ERAP1: variants seen among roughly 807,000 people sequenced by gnomAD.
The protein encoded by ERAP1 is endoplasmic reticulum aminopeptidase 1.
Under a neutral mutation model 103.7 loss-of-function variants are expected in ERAP1, and 86 were observed. The ratio of observed to expected loss-of-function variants is 0.83; its 90% CI spans 0.70 to 0.99. The LOEUF (loss-of-function observed/expected upper bound fraction) is 0.99, where lower values mean the gene tolerates loss of function less well. ERAP1 is among the 50% of genes least tolerant of loss of function. The probability of loss-of-function intolerance (pLI) is 0.00; values close to 1 mark genes in which losing one functional copy is unlikely to be tolerated. For synonymous variants in ERAP1, 398 were observed against 402.4 expected, an observed-to-expected ratio of 0.99 and a Z score of 0.13; for missense variants, 1,009 against 1,128.4, an observed-to-expected ratio of 0.89 and a Z score of 1.52.
At chr5:96,827,798 C>T in the ERAP1 span, among the ~76,000 whole-genome samples, 1 of 152,198 alleles carries the variant, frequency 6.6e-6, no homozygotes, top group South Asian at 2.1e-4. Context: ...TGTTTACCCA[C>T]CACCCTGAAT....
chr5:96,761,007 A>G (rs903035308), exon 20 of ERAP1: 2 of 152,158 alleles, frequency 1.3e-5, no homozygotes, highest in Non-Finnish European at 2.9e-5. Context: ...GGAAAATACA[A>G]TAATGTTGAG....
At chr5:96,842,872 AT>A in the ERAP1 span, among the ~76,000 whole-genome samples, 5 of 152,008 alleles carry the variant, frequency 3.3e-5, no homozygotes, top group Middle Eastern at 3.4e-3. Context: ...GTCTAGAAGG[AT>A]TTTTTTTCCA....
chr5:96,784,057 T>C lies in ERAP1; in HGVS notation c.1967A>G (p.Lys656Arg). 6.2e-7 allele frequency: 1 copy of C among 1,614,098 alleles called. No homozygotes were observed. Among genetic ancestry groups the C allele is most frequent in the Non-Finnish European group, 8.5e-7 (1 of 1,179,970 alleles). ...LVSIGKLSIE[K>R]ALDLSLYLKH... Reference sequence around the variant, plus strand: ...CAAGTACAGGGATAAATCCAAGGCCTTTTCAATGGACAGCTTCCCAATGCT... The same window carrying C: ...CAAGTACAGGGATAAATCCAAGGCCCTTTCAATGGACAGCTTCCCAATGCT... Residue 656 changes from lysine (K) to arginine (R), a missense_variant, in exon 14 of 19, where the codon AAG (lysine) becomes AGG (arginine). Around this residue, in one of 3 missense-constraint regions of ERAP1, gnomAD observed 611 missense variants for 651.7 expected, o/e 0.94. Transcript: ENST00000443439.
rs112876748 is a variant in ERAP1, at chr5:96,768,258, A to AT, written c.2819-5031dup. On this transcript the variant is annotated intron_variant, in intron 19 of 19. Coordinates refer to the ERAP1 transcript ENST00000296754. Reference sequence around the variant, plus strand: ...ACCACCACACCCAGCTAATTTTTGTATTTTTTTGTAGAGAGGGGGTTTCGC... The same window carrying AT: ...ACCACCACACCCAGCTAATTTTTGTATTTTTTTTGTAGAGAGGGGGTTTCGC... The AT allele has an allele frequency of 5.0e-3, 2,258 of 449,354 alleles. 48 individuals are homozygous for AT. The highest frequency in any genetic ancestry group is 0.042 in the African/African-American group (2,069 of 49,422). The allele number at this position is 449,354 out of a possible 1,614,324, so 27.8% of individuals were successfully genotyped here.
the ERAP1 span, among the ~76,000 whole-genome samples, chr5:96,828,224 T>G: frequency 6.6e-6 from 1 of 152,326 alleles, no homozygotes; most frequent in Admixed American, 6.5e-5. Flanking sequence ...GGTAAGCCTC[T>G]AATTTATCGG....
the ERAP1 span, among the ~76,000 whole-genome samples, chr5:96,881,790 G>T: frequency 9.2e-5 from 14 of 152,064 alleles, no homozygotes; most frequent in Admixed American, 2.6e-4. Flanking sequence ...AGAGATAAGG[G>T]CAAAAAGAAA....
intron 19 of ERAP1, chr5:96,768,293 A>G (rs1179367151): frequency 1.9e-5 from 8 of 412,452 alleles, no homozygotes; most frequent in Non-Finnish European, 3.2e-5. Flanking sequence ...CCATGTTGCC[A>G]GGCTGGTCTC....
chr5:96,811,680 A>T (rs1779167050), upstream of ERAP1, among the ~76,000 whole-genome samples: 1 of 152,226 alleles, frequency 6.6e-6, no homozygotes, highest in South Asian at 2.1e-4. Context: ...GCACTATGGG[A>T]GCGAGCAATG....
In ERAP1 at chr5:96,803,817, G is replaced by C. The variant is rs1778263841; in HGVS notation, c.110C>G (p.Ala37Gly). 1 of 1,614,076 alleles carries C rather than the reference G, an allele frequency of 6.2e-7. No individual in the cohort carries two copies. The highest frequency in any genetic ancestry group is 1.7e-5 in the Admixed American group (1 of 60,006). The stretch of plus-strand genomic sequence containing the variant: ...TGTCCCATCACTACGTTTTGGAGAT[G>C]CTTCAGTGCTCTGACACCATGAAGG... ...STPSWCQSTEASPKRSDGTPF... is the reference protein window; with the variant it reads ...STPSWCQSTEGSPKRSDGTPF... Residue 37 changes from alanine to glycine, a missense_variant, in exon 2 of 19, where the codon GCA becomes GGA. Around this residue, in one of 3 missense-constraint regions of ERAP1, gnomAD observed 392 missense variants for 455.2 expected, o/e 0.86. Transcript: ENST00000443439.
At chr5:96,818,363 C>T in the ERAP1 span, among the ~76,000 whole-genome samples, 1 of 151,924 alleles carries the variant, frequency 6.6e-6, no homozygotes, top group African/African-American at 2.4e-5. Context: ...AGGCCAAGGG[C>T]AAAGCCAGTC....
the ERAP1 span, chr5:96,900,161 AT>A: frequency 3.1e-6 from 5 of 1,613,910 alleles, no homozygotes; most frequent in Non-Finnish European, 4.2e-6. Flanking sequence ...GGAGTTTGTC[AT>A]TCGGATCCCA....
In ERAP1 at chr5:96,807,386, T is replaced by C. The variant is rs562712117; in HGVS notation, c.-18+474A>G. 1.2e-3 allele frequency among the ~76,000 whole-genome samples: 189 copies of C among 152,280 alleles called. 3 individuals are homozygous for C. The highest frequency in any genetic ancestry group is 3.7e-4 in the Non-Finnish European group (25 of 68,010). On this transcript the variant is annotated intron_variant, in intron 1 of 18. Coordinates refer to ENST00000443439, the MANE Select transcript of ERAP1 (RefSeq NM_001040458.3). ...GGTTTCTCTAGCAGCTATGGGCAGG[T>C]GCCCTCCTCAGCCCGAGCCAGCTGC...
the ERAP1 span, among the ~76,000 whole-genome samples, chr5:96,856,739 G>T: frequency 6.6e-6 from 1 of 152,070 alleles, no homozygotes; most frequent in Admixed American, 6.6e-5. Flanking sequence ...CCTACTTACG[G>T]CATAGTTGTC....
the ERAP1 span, among the ~76,000 whole-genome samples, chr5:96,814,478 A>G: frequency 4.6e-5 from 7 of 152,206 alleles, no homozygotes; most frequent in Non-Finnish European, 1.0e-4. Context: ...AAGGAGACAT[A>G]TATCAAAAAA....
the ERAP1 span, chr5:96,918,623 T>C: frequency 6.6e-6 from 1 of 152,212 alleles, no homozygotes; most frequent in East Asian, 1.9e-4. Flanking sequence ...ATTCATACCA[T>C]TTGGTTTAAG....
intron 16 of ERAP1, 140 bp from the exon 17 acceptor site, chr5:96,781,338 T>A: frequency 1.2e-6 from 1 of 825,170 alleles, no homozygotes. Context: ...ACCACAATCC[T>A]GATAAACCCA....
At chr5:96,879,945 C>T in the ERAP1 span, 10 of 1,614,176 alleles carry the variant, frequency 6.2e-6, no homozygotes, top group South Asian at 4.4e-5. Context: ...CCCAATCTCA[C>T]CTCTCTGGAC....
At chr5:96,848,138 T>G in the ERAP1 span, among the ~76,000 whole-genome samples, 2 of 152,214 alleles carry the variant, frequency 1.3e-5, no homozygotes, top group Non-Finnish European at 2.9e-5. Context: ...AACCTCTGCC[T>G]CCCAGGTTCA....
the ERAP1 span, among the ~76,000 whole-genome samples, chr5:96,815,974 AG>A: frequency 2.6e-5 from 4 of 152,182 alleles, no homozygotes; most frequent in Admixed American, 2.6e-4. Flanking sequence ...CTTCATGGCA[AG>A]TATAAGCTAC....
Sources: allele counts gnomAD v4.1 joint callset (sites outside exome capture counted in the v4.1 genomes callset), GRCh38; gene constraint gnomAD v4.1.1; regional missense constraint gnomAD v4.1.1; transcripts MANE v1.5; gene names NCBI Gene and HGNC (gene_info 2026-07-23, HGNC 2026-07-21).